The following SPOCK2 variants were observed in gnomAD, a reference collection of about 807,000 sequenced individuals.
SPOCK2 encodes SPARC (osteonectin), cwcv and kazal like domains proteoglycan 2.
Under a neutral mutation model 60.1 loss-of-function variants are expected in SPOCK2, and 39 were observed. That is an observed-to-expected ratio of 0.65 (90% CI 0.50 to 0.85). The LOEUF (loss-of-function observed/expected upper bound fraction) is 0.85, where lower values mean the gene tolerates loss of function less well. Ranked by LOEUF, SPOCK2 falls within the 40% of genes least tolerant of loss-of-function variation. SPOCK2 has a pLI of 0.00. For missense variants in SPOCK2, 523 were observed against 567.4 expected (o/e 0.92, Z 0.80); for synonymous variants, 217 against 231.5 (o/e 0.94, Z 0.57).
intron 1 of SPOCK2, chr10:72,086,958 G>C (rs1314923723): frequency 6.4e-7 from 1 of 1,551,650 alleles, no homozygotes; most frequent in South Asian, 1.2e-5. Flanking sequence ...TCATGGTGTG[G>C]CCTGCGTTGT....
chr10:72,065,820 A>T (rs553269539), intron 8 of SPOCK2, among the ~76,000 whole-genome samples: 1 of 152,366 alleles, frequency 6.6e-6, no homozygotes, highest in Non-Finnish European at 1.5e-5. Flanking sequence ...TGTGAATTAC[A>T]CGGTGCTCTG....
chr10:72,069,837 C>T (rs1362591131), intron 5 of SPOCK2, among the ~76,000 whole-genome samples: 1 of 152,176 alleles, frequency 6.6e-6, no homozygotes, highest in Admixed American at 6.5e-5. Context: ...ATTCATTCTC[C>T]CAATCGGTTC....
Position 72,062,822 on chromosome 10 carries a change from C to G in SPOCK2, c.1213G>C (p.Glu405Gln). The G allele has an allele frequency of 6.2e-7, 1 of 1,610,084 alleles. No homozygotes were observed. The highest frequency in any genetic ancestry group is 8.5e-7 in the Non-Finnish European group (1 of 1,179,666). ...TCGCCCTCCTCCTCCTCGGCCTCCTCGCCTGCTTCCTCCGTCTCCTTCTCC... is the reference window on the plus strand; with the variant it reads ...TCGCCCTCCTCCTCCTCGGCCTCCTGGCCTGCTTCCTCCGTCTCCTTCTCC... ...EEEKETEEAG[E>Q]EAEEEEGEAG... The change falls in exon 11 of 11, where the codon GAG (glutamate) becomes CAG (glutamine). Residue 405 changes from glutamate (E) to glutamine (Q), a missense_variant. Glu to Gln is a conservative substitution (Grantham distance 29, BLOSUM62 2). Coordinates refer to ENST00000373109, the MANE Select transcript of SPOCK2 (RefSeq NM_001244950.2). This position sits in a 1 kb window ranked among gnomAD's most constrained non-coding sequence, Gnocchi z 4.3.
chr10:72,075,517 G>A (rs906377120), intron 1 of SPOCK2, among the ~76,000 whole-genome samples: 1 of 152,200 alleles, frequency 6.6e-6, no homozygotes, highest in East Asian at 1.9e-4. Flanking sequence ...CAACCAGGCC[G>A]TGAGTGGAAT....
chr10:72,066,990 G>C lies in SPOCK2; in HGVS notation c.840C>G (p.Val280=). Residue 280 remains valine, a synonymous_variant, in exon 8 of 11, where the codon GTC becomes GTG. Transcript: ENST00000373109. ...LAAINLDKYE[V]CIRPFFNSCD... is the part of the protein sequence containing the mutation. ...AGGAGTTGAAGAAGGGACGGATGCA[G>C]ACCTCGTACTTGTCCAGGTTGATGG... The C allele has an allele frequency of 6.2e-7, 1 of 1,614,222 alleles. No individual in the cohort carries two copies. The highest frequency in any genetic ancestry group is 1.1e-5 in the South Asian group (1 of 91,082).
chr10:72,080,936 G>A (rs188901162), intron 1 of SPOCK2, among the ~76,000 whole-genome samples: 15 of 152,228 alleles, frequency 9.9e-5, no homozygotes, highest in African/African-American at 2.2e-4. Context: ...TGCTCCGGGC[G>A]GTGGCCCCAA....
chr10:72,080,115 C>T (rs2131821254), intron 1 of SPOCK2, among the ~76,000 whole-genome samples: 1 of 152,212 alleles, frequency 6.6e-6, no homozygotes, highest in Non-Finnish European at 1.5e-5. Context: ...TCTGTAGGGT[C>T]TCAGTGTTAC....
intron 1 of SPOCK2, among the ~76,000 whole-genome samples, chr10:72,074,069 C>T (rs760409142): frequency 3.9e-5 from 6 of 152,182 alleles, no homozygotes; most frequent in Non-Finnish European, 8.8e-5. Context: ...ATCCTGAGTT[C>T]TGCCATAGCC....
rs914578753 is a variant in SPOCK2, at chr10:72,059,727, CAG to C, written c.*3031_*3032del. On this transcript the variant is annotated 3_prime_UTR_variant, in exon 11 of 11. Transcript: ENST00000373109. Reference sequence around the variant, plus strand: ...TGACCACCCCCCACGTGTGGGACAACAGGGGGCAGTCAAGATGCCGCCACCCA... The same window carrying C: ...TGACCACCCCCCACGTGTGGGACAACGGGGCAGTCAAGATGCCGCCACCCA... The C allele has an allele frequency of 6.5e-5, 10 of 152,760 alleles. No homozygotes were observed. The highest frequency in any genetic ancestry group is 1.3e-4 in the Admixed American group (2 of 15,274). 9.5% of individuals were successfully genotyped at this position (152,760 alleles called of 1,614,324 possible).
In SPOCK2 at chr10:72,068,364, G is replaced by T. The variant is rs567868605; in HGVS notation, c.475-63C>A. The T allele has an allele frequency of 6.0e-6, 9 of 1,489,398 alleles. No individual in the cohort carries two copies. The South Asian group carries it at 1.1e-4, about 17-fold the overall frequency. The allele number at this position is 1,489,398 out of a possible 1,614,324, so 92.3% of individuals were successfully genotyped here. A position where few individuals can be genotyped will look rare whatever the true frequency, so the allele number is the denominator to read the frequency against. On this transcript the variant is annotated intron_variant, in intron 5 of 10. Transcript: ENST00000373109. ...TTACCCCAGGGGTCCCCACAGCTGG[G>T]GACACCCTCAAGCCTCTCATGGCAG...
chr10:72,088,956 C>G (rs1840905418), upstream of SPOCK2: 1 of 152,464 alleles, frequency 6.6e-6, no homozygotes, highest in South Asian at 2.1e-4. Context: ...GCGCCACAGC[C>G]CTGACAGCTG....
intron 7 of SPOCK2, 25 bp downstream of exon 7, chr10:72,067,588 C>T (rs1352937498): frequency 6.2e-7 from 1 of 1,610,660 alleles, no homozygotes; most frequent in Non-Finnish European, 8.5e-7. Flanking sequence ...CCTCCCTCCT[C>T]CAGGCAGAGC....
At chr10:72,086,143 T>C (rs2131825246) in intron 1 of SPOCK2, 1 of 963,534 alleles carries the variant, frequency 1.0e-6, no homozygotes. Context: ...AGGACATCTG[T>C]CCTACAAAAG....
chr10:72,064,014 A>G (rs1687719988), intron 9 of SPOCK2, among the ~76,000 whole-genome samples, 164 bp downstream of exon 9: 1 of 152,200 alleles, frequency 6.6e-6, no homozygotes, highest in African/African-American at 2.4e-5. Flanking sequence ...CCCCACCACA[A>G]GGATAGACAC....
At position 72,064,214 on chromosome 10, in the gene SPOCK2, G is replaced by C. The variant is rs762456283; in HGVS notation, c.955C>G (p.Arg319Gly). The part of the protein sequence containing the change: ...EKPPCLAELE[R>G]IQIQEAAKKK... ...TTGGCGGCCTCCTGGATCTGGATGC[G>C]CTCCAGCTCTGCCAGGCAGGGGGGC... Residue 319 changes from arginine (R) to glycine (G), a missense_variant, in exon 9 of 11, where the codon CGC (arginine) becomes GGC (glycine). Transcript: ENST00000373109. 1.2e-6 allele frequency: 2 copies of C among 1,608,452 alleles called. No individual in the cohort carries two copies. The highest frequency in any genetic ancestry group is 4.5e-5 in the East Asian group (2 of 44,522).
Position 72,067,052 on chromosome 10 carries a change from T to C in SPOCK2, c.778A>G (p.Ser260Gly). The C allele has an allele frequency of 1.9e-6, 3 of 1,614,246 alleles. No homozygotes were observed. Among genetic ancestry groups the C allele is most frequent in the Non-Finnish European group, 2.5e-6 (3 of 1,180,052 alleles). ...GTCTGGTCCAGGAAGAGGTCAGCAC[T>C]GGTGTCCAGCTTGGAGAACATCCAG... The part of the protein sequence containing the change: ...IGWMFSKLDT[S>G]ADLFLDQTEL... Residue 260 changes from serine (S) to glycine (G), a missense_variant, in exon 8 of 11, where the codon AGT becomes GGT. By Grantham distance (56) the Ser-to-Gly change is moderately conservative (BLOSUM62 0). Transcript: ENST00000373109.
In SPOCK2 at chr10:72,064,237, G is replaced by T; in HGVS notation, c.932C>A (p.Pro311His). The T allele has an allele frequency of 1.3e-6, 2 of 1,596,190 alleles. No individual in the cohort carries two copies. Reference sequence around the variant, plus strand: ...GCGCTCCAGCTCTGCCAGGCAGGGGGGCTCTGTGGGGAGAGAAGCAGCCTC... The same window carrying T: ...GCGCTCCAGCTCTGCCAGGCAGGGGTGCTCTGTGGGGAGAGAAGCAGCCTC... ...EWCFCFWREK[P>H]PCLAELERIQ... is the part of the protein sequence containing the mutation. Residue 311 changes from proline to histidine, a missense_variant, in exon 9 of 11, where the codon CCC becomes CAC. Transcript: ENST00000373109.
chr10:72,079,608 G>A (rs1320836843), intron 1 of SPOCK2, among the ~76,000 whole-genome samples: 1 of 152,144 alleles, frequency 6.6e-6, no homozygotes, highest in Non-Finnish European at 1.5e-5. Context: ...TCCAAGTGCT[G>A]TTTACTTCCT....
intron 9 of SPOCK2, among the ~76,000 whole-genome samples, chr10:72,063,709 G>A (rs953489042): frequency 2.0e-5 from 3 of 152,188 alleles, no homozygotes; most frequent in Non-Finnish European, 2.9e-5. Context: ...GGACTGGCCC[G>A]AGCTAAAGGG....
Sources: gnomAD v4.1 joint callset for allele counts (sites outside exome capture counted in the v4.1 genomes callset) on GRCh38, gnomAD v4.1.1 for gene constraint, Gnocchi (gnomAD v3.1) non-coding constraint, MANE v1.5 for transcripts, NCBI Gene and HGNC (gene_info 2026-07-23, HGNC 2026-07-21) for gene names.